PRKN: variants seen among roughly 807,000 people sequenced by gnomAD.
PRKN encodes parkin RBR E3 ubiquitin protein ligase, also known as E3 ubiquitin-protein ligase parkin.
Under a neutral mutation model 59.5 loss-of-function variants are expected in PRKN, and 56 were observed. That is an observed-to-expected ratio of 0.94 (90% CI 0.76 to 1.18). PRKN has a LOEUF of 1.18. Among genes scored for constraint, PRKN ranks in the 50% most tolerant of loss-of-function variants. The probability of loss-of-function intolerance (pLI) is 0.00; values close to 1 mark genes in which losing one functional copy is unlikely to be tolerated. For missense variants in PRKN, 657 were observed against 596.4 expected, an observed-to-expected ratio of 1.10 and a Z score of -1.06; for synonymous variants, 250 against 222.1, an observed-to-expected ratio of 1.13 and a Z score of -1.12.
At chr6:162,028,561 G>A (rs1488488329) in intron 5 of PRKN, among the ~76,000 whole-genome samples, 1 of 152,204 alleles carries the variant, frequency 6.6e-6, no homozygotes, top group Non-Finnish European at 1.5e-5. Flanking sequence ...CAGTAGGCAA[G>A]AGATGGAAGA....
intron 2 of PRKN, among the ~76,000 whole-genome samples, chr6:162,409,970 C>T (rs1479142355): frequency 6.6e-6 from 1 of 152,166 alleles, no homozygotes; most frequent in Non-Finnish European, 1.5e-5. Context: ...GATTTTATTT[C>T]CACCAGTGAA....
intron 2 of PRKN, among the ~76,000 whole-genome samples, chr6:162,362,702 A>G (rs1477784821): frequency 1.3e-5 from 2 of 152,170 alleles, no homozygotes; most frequent in African/African-American, 4.8e-5. Context: ...TCTTTCTGCT[A>G]TTCCCTTCCA....
intron 1 of PRKN, among the ~76,000 whole-genome samples, chr6:162,515,149 C>G (rs1223871681): frequency 1.3e-5 from 2 of 148,494 alleles, no homozygotes; most frequent in African/African-American, 5.0e-5. Flanking sequence ...ATGGTGTAAT[C>G]TCGGATCACT....
chr6:161,866,347 G>A (rs964313772), intron 6 of PRKN, among the ~76,000 whole-genome samples: 3 of 152,052 alleles, frequency 2.0e-5, no homozygotes, highest in African/African-American at 7.2e-5. Flanking sequence ...AGGCCAAGGC[G>A]GGTGGATCAC....
chr6:161,703,293 G>A (rs185192880), intron 7 of PRKN, among the ~76,000 whole-genome samples: 10 of 152,206 alleles, frequency 6.6e-5, no homozygotes, highest in Admixed American at 5.9e-4. Flanking sequence ...GCAAGACCTT[G>A]TCTCTAACAA....
chr6:161,920,603 G>A (rs1388922848), intron 6 of PRKN, among the ~76,000 whole-genome samples: 4 of 151,706 alleles, frequency 2.6e-5, no homozygotes, highest in African/African-American at 7.3e-5. Flanking sequence ...TGGCCAACAT[G>A]GTGAAACCCC....
At position 162,339,422 on chromosome 6, in the gene PRKN, G is replaced by T. The variant is rs373768672; in HGVS notation, c.172-76657C>A. Among the ~76,000 whole-genome samples, 774 of 144,080 alleles carry T rather than the reference G, an allele frequency of 5.4e-3. 11 individuals carry two copies. The East Asian group carries it at 0.072, about 13-fold the overall frequency. The allele number at this position is 144,080 out of a possible 152,430, so 94.5% of individuals were successfully genotyped here. On this transcript the variant is annotated intron_variant, in intron 2 of 11. Coordinates refer to ENST00000366898, the MANE Select transcript of PRKN (RefSeq NM_004562.3). ...AGCCCCCCGCCCGGCCAGCCGCCCC[G>T]TCCGGGAGGTGAGGGGCGCCTCTGC...
At chr6:161,980,984 T>C (rs935251325) in intron 5 of PRKN, among the ~76,000 whole-genome samples, 4 of 152,224 alleles carry the variant, frequency 2.6e-5, no homozygotes, top group African/African-American at 9.6e-5. Context: ...ATATACATTG[T>C]ATATTGAGAT....
At chr6:162,217,166 G>T (rs1777713335) in intron 3 of PRKN, among the ~76,000 whole-genome samples, 1 of 152,130 alleles carries the variant, frequency 6.6e-6, no homozygotes, top group Non-Finnish European at 1.5e-5. Context: ...AGCACCTCTT[G>T]ACACATTCTC....
At chr6:161,927,568 A>G (rs562854985) in intron 6 of PRKN, among the ~76,000 whole-genome samples, 1 of 152,330 alleles carries the variant, frequency 6.6e-6, no homozygotes, top group Admixed American at 6.5e-5. Flanking sequence ...AACAGAAAAG[A>G]CATTTTTACG....
intron 2 of PRKN, among the ~76,000 whole-genome samples, chr6:162,276,179 C>A (rs1266241924): frequency 6.6e-6 from 1 of 152,102 alleles, no homozygotes; most frequent in Non-Finnish European, 1.5e-5. Flanking sequence ...CCCATTCAAA[C>A]CGAGGAGTAG....
chr6:161,874,915 A>ATAT lies in PRKN; in HGVS notation c.735-89010_735-89008dup, dbSNP rs1388999650. On this transcript the variant is annotated intron_variant, in intron 6 of 11. Transcript: ENST00000366898. Reference sequence around the variant, plus strand: ...TATAATATATAATATATATTATAAAATATAAAATATAAAATATAATATAAT... The same window carrying ATAT: ...TATAATATATAATATATATTATAAAATATTATAAAATATAAAATATAATATAAT... Among the ~76,000 whole-genome samples the ATAT allele has an allele frequency of 1.2e-4, 13 of 105,264 alleles. 2 individuals carry two copies. Among genetic ancestry groups the ATAT allele is most frequent in the African/African-American group, 5.9e-4 (13 of 22,166 alleles). 69.1% of individuals were successfully genotyped at this position (105,264 alleles called of 152,430 possible). A position where few individuals can be genotyped will look rare whatever the true frequency, so the allele number is the denominator to read the frequency against.
At chr6:162,568,911 G>T in intron 1 of PRKN, 1 of 680,210 alleles carries the variant, frequency 1.5e-6, no homozygotes, top group South Asian at 1.5e-5. Flanking sequence ...GAAGGACATG[G>T]ATGATGCTTA....
Position 161,526,578 on chromosome 6 carries a change from T to C in PRKN, c.1083+22276A>G, listed in dbSNP as rs1276685878. Among the ~76,000 whole-genome samples, 2 of 149,084 alleles carry C rather than the reference T, an allele frequency of 1.3e-5. No homozygotes were observed. The highest frequency in any genetic ancestry group is 4.9e-5 in the African/African-American group (2 of 41,002). ...AGAAATATTAAAATATATATATAAA[T>C]ATAAGTAATATAAATAAATATAATG... is the stretch of plus-strand genomic sequence containing the variant. On this transcript the variant is annotated intron_variant, in intron 9 of 11. Transcript: ENST00000366898. This position sits in a 1 kb window ranked among gnomAD's most constrained non-coding sequence, Gnocchi z 4.1.
Position 162,415,901 on chromosome 6 carries a change from T to C in PRKN, c.171+27409A>G, listed in dbSNP as rs146603677. On this transcript the variant is annotated intron_variant, in intron 2 of 11. Coordinates refer to ENST00000366898, the MANE Select transcript of PRKN (RefSeq NM_004562.3). ...GACTATTCTGACTAATGGGAGATCT[T>C]CATAGGTAATACTCAGCAACACTCG... is the stretch of plus-strand genomic sequence containing the variant. Among the ~76,000 whole-genome samples, 301 of 152,276 alleles carry C rather than the reference T, an allele frequency of 2.0e-3. 3 individuals carry two copies. The highest frequency in any genetic ancestry group is 6.5e-3 in the African/African-American group (272 of 41,552).
At chr6:162,560,767 G>C (rs1779799630) in intron 1 of PRKN, among the ~76,000 whole-genome samples, 4 of 141,628 alleles carry the variant, frequency 2.8e-5, no homozygotes, top group Admixed American at 1.5e-4. Context: ...AAGTCAATCA[G>C]TGTATACTTA....
intron 6 of PRKN, among the ~76,000 whole-genome samples, chr6:161,884,976 CAA>C (rs35244761): frequency 0.037 from 4,968 of 133,536 alleles, 259 homozygotes; most frequent in African/African-American, 0.12. Flanking sequence ...ACTTTATTTA[CAA>C]AAAAAAAAAA....
chr6:161,638,688 G>C (rs959517216), intron 7 of PRKN, among the ~76,000 whole-genome samples: 5 of 149,308 alleles, frequency 3.3e-5, no homozygotes, highest in African/African-American at 1.2e-4. Context: ...CATGGGGGCA[G>C]TTACCCTCAT....
At chr6:162,236,280 C>T (rs1214837943) in intron 3 of PRKN, among the ~76,000 whole-genome samples, 3 of 152,160 alleles carry the variant, frequency 2.0e-5, no homozygotes, top group African/African-American at 7.2e-5. Context: ...GATTGCTTGT[C>T]CCTACTGATG....
Sources: allele counts gnomAD v4.1 joint callset (sites outside exome capture counted in the v4.1 genomes callset), GRCh38; gene constraint gnomAD v4.1.1; non-coding constraint Gnocchi (gnomAD v3.1); transcripts MANE v1.5; gene names NCBI Gene and HGNC (gene_info 2026-07-23, HGNC 2026-07-21).